The following CTNNA3 variants were observed in gnomAD, a reference collection of about 807,000 sequenced individuals.
The protein encoded by CTNNA3 is catenin alpha 3.
In CTNNA3, 76 loss-of-function variants were observed where a neutral mutation model predicts 95.7. That is an observed-to-expected ratio of 0.79 (90% CI 0.66 to 0.96). The LOEUF (loss-of-function observed/expected upper bound fraction) is 0.96, where lower values mean the gene tolerates loss of function less well. Ranked by LOEUF, CTNNA3 falls within the 40% of genes least tolerant of loss-of-function variation. The pLI, the probability that CTNNA3 is intolerant of heterozygous loss-of-function variation, is 0.00. For synonymous variants in CTNNA3, 431 were observed against 374.4 expected (o/e 1.15, Z -1.74); for missense variants, 1,191 against 1,089.8 (o/e 1.09, Z -1.31).
chr10:66,160,453 G>T (rs1452228198), intron 13 of CTNNA3, among the ~76,000 whole-genome samples: 1 of 151,974 alleles, frequency 6.6e-6, no homozygotes, highest in Non-Finnish European at 1.5e-5. Context: ...GCTGATTCAG[G>T]AGCAGGTTAT....
rs2079117397 is a variant in CTNNA3 at position 66,017,539 on chromosome 10, AAAT to A, written c.2160-28745_2160-28743del. Among the ~76,000 whole-genome samples, 3 of 152,264 alleles carry A rather than the reference AAAT, an allele frequency of 2.0e-5. No individual in the cohort carries two copies. The South Asian group carries it at 6.2e-4, about 32-fold the overall frequency. On this transcript the variant is annotated intron_variant, in intron 15 of 17. Transcript: ENST00000433211. The stretch of plus-strand genomic sequence containing the variant: ...TATTTGAACTGGAAGAAAAAGGTAA[AAAT>A]AAAGTCACTATAGTGCTATAGCTGT...
intron 9 of CTNNA3, among the ~76,000 whole-genome samples, chr10:66,676,185 A>AC (rs1846849165): frequency 6.6e-6 from 1 of 151,166 alleles, no homozygotes; most frequent in African/African-American, 2.4e-5. Flanking sequence ...GAAAAAGAAA[A>AC]CGGTGACAGA....
In CTNNA3 at chr10:66,532,448, C is replaced by T. The variant is rs576099828; in HGVS notation, c.1375-11675G>A. 1.5e-4 allele frequency among the ~76,000 whole-genome samples: 22 copies of T among 145,174 alleles called. No individual in the cohort carries two copies. The South Asian group carries it at 4.0e-3, about 27-fold the overall frequency. On this transcript the variant is annotated intron_variant, in intron 10 of 17. Coordinates refer to ENST00000433211, the MANE Select transcript of CTNNA3 (RefSeq NM_013266.4). ...CTGTACTCCAGCCTGGGTGACAGAG[C>T]GAGACTCCGTCTCAAAAAGAAAAAA...
At chr10:66,971,770 C>T (rs1849737495) in intron 7 of CTNNA3, among the ~76,000 whole-genome samples, 1 of 152,106 alleles carries the variant, frequency 6.6e-6, no homozygotes, top group Admixed American at 6.5e-5. Context: ...ATACCATAAA[C>T]ATAATTTATT....
At chr10:66,452,635 A>G (rs1269536360) in intron 11 of CTNNA3, among the ~76,000 whole-genome samples, 1 of 152,210 alleles carries the variant, frequency 6.6e-6, no homozygotes, top group Non-Finnish European at 1.5e-5. Flanking sequence ...ATTATTTCTC[A>G]GAAATCATGC....
intron 17 of CTNNA3, among the ~76,000 whole-genome samples, chr10:65,939,245 A>C (rs2077390723): frequency 6.6e-6 from 1 of 152,136 alleles, no homozygotes; most frequent in African/African-American, 2.4e-5. Context: ...CTAAATATTC[A>C]ATGTACATTT....
At chr10:66,814,633 G>A (rs1038004461) in intron 7 of CTNNA3, among the ~76,000 whole-genome samples, 1 of 151,958 alleles carries the variant, frequency 6.6e-6, no homozygotes, top group African/African-American at 2.4e-5. Flanking sequence ...GTGCTAGCAC[G>A]TGCACCCGTA....
chr10:66,043,334 A>T (rs2079748585), intron 15 of CTNNA3, among the ~76,000 whole-genome samples: 1 of 152,142 alleles, frequency 6.6e-6, no homozygotes, highest in Non-Finnish European at 1.5e-5. Flanking sequence ...TGCACATTGA[A>T]CCCCAAATTA....
chr10:66,668,994 A>G (rs563070646), intron 9 of CTNNA3, among the ~76,000 whole-genome samples: 1 of 152,218 alleles, frequency 6.6e-6, no homozygotes, highest in South Asian at 2.1e-4. Context: ...GTATATTTTT[A>G]TATCTTGGAT....
intron 7 of CTNNA3, among the ~76,000 whole-genome samples, chr10:66,805,029 T>C (rs1841585432): frequency 6.6e-6 from 1 of 152,090 alleles, no homozygotes; most frequent in African/African-American, 2.4e-5. Context: ...AGAGGGTGAT[T>C]ACATGATTAG....
chr10:66,261,688 C>T (rs2091007663), intron 13 of CTNNA3, among the ~76,000 whole-genome samples: 1 of 151,924 alleles, frequency 6.6e-6, no homozygotes, highest in Admixed American at 6.6e-5. Flanking sequence ...TCCCACTGTT[C>T]TTATAGATAG....
chr10:66,518,127 A>G (rs1356556746), intron 11 of CTNNA3, among the ~76,000 whole-genome samples: 1 of 152,158 alleles, frequency 6.6e-6, no homozygotes, highest in African/African-American at 2.4e-5. Context: ...TAACCTTTAC[A>G]TGAGTTTTCT....
At chr10:66,235,973 T>C (rs918738292) in intron 13 of CTNNA3, among the ~76,000 whole-genome samples, 27 of 152,252 alleles carry the variant, frequency 1.8e-4, no homozygotes, top group African/African-American at 6.5e-4. Flanking sequence ...TTTTGACACA[T>C]CCATTTCCCA....
intron 9 of CTNNA3, among the ~76,000 whole-genome samples, chr10:66,732,940 C>A (rs1413545355): frequency 6.6e-6 from 1 of 151,946 alleles, no homozygotes; most frequent in African/African-American, 2.4e-5. Context: ...GGATTACAGG[C>A]ACCAGCCACC....
chr10:67,032,456 G>C (rs1424296033), intron 7 of CTNNA3, among the ~76,000 whole-genome samples: 1 of 151,968 alleles, frequency 6.6e-6, no homozygotes, highest in Admixed American at 6.6e-5. Flanking sequence ...AATTTAAGAG[G>C]AGGAAAAAAA....
At chr10:67,493,165 T>G (rs1163899046) in intron 5 of CTNNA3, among the ~76,000 whole-genome samples, 1 of 151,968 alleles carries the variant, frequency 6.6e-6, no homozygotes, top group Non-Finnish European at 1.5e-5. Context: ...CAGGCCAGAT[T>G]TCTTTGATTT....
At chr10:66,467,253 T>C (rs560465890) in intron 11 of CTNNA3, among the ~76,000 whole-genome samples, 1 of 152,180 alleles carries the variant, frequency 6.6e-6, no homozygotes, top group East Asian at 1.9e-4. Flanking sequence ...ATTCATGCAC[T>C]GACTCATCAC....
At chr10:66,328,128 G>T (rs1224067827) in intron 12 of CTNNA3, among the ~76,000 whole-genome samples, 3 of 152,010 alleles carry the variant, frequency 2.0e-5, no homozygotes, top group Admixed American at 2.0e-4. Context: ...TGTCTAGGGG[G>T]TAAGAATCAA....
At chr10:66,807,102 T>G (rs769366292) in intron 7 of CTNNA3, among the ~76,000 whole-genome samples, 3 of 151,966 alleles carry the variant, frequency 2.0e-5, no homozygotes, top group Non-Finnish European at 4.4e-5. Flanking sequence ...AAGTCTTAGG[T>G]TGGTGTTTAT....
Sources: allele counts gnomAD v4.1 joint callset (sites outside exome capture counted in the v4.1 genomes callset), GRCh38; gene constraint gnomAD v4.1.1; transcripts MANE v1.5; gene names NCBI Gene and HGNC (gene_info 2026-07-23, HGNC 2026-07-21).